SERPINB2: variants seen among roughly 807,000 people sequenced by gnomAD.
SERPINB2 encodes serpin family B member 2.
SERPINB2 carries 28 observed loss-of-function variants against 39.4 expected under a neutral mutation model. The ratio of observed to expected loss-of-function variants is 0.71; its 90% CI spans 0.53 to 0.97. The LOEUF (loss-of-function observed/expected upper bound fraction) is 0.97. SERPINB2 is among the 50% of genes least tolerant of loss of function. SERPINB2 has a pLI of 0.00. For synonymous variants in SERPINB2, 209 were observed against 175.1 expected (o/e 1.19, Z -1.53); for missense variants, 557 against 505.3 (o/e 1.10, Z -0.98).
chr18:63,893,447 A>G (rs2049939711), intron 2 of SERPINB2, among the ~76,000 whole-genome samples: 1 of 137,504 alleles, frequency 7.3e-6, no homozygotes, highest in African/African-American at 2.8e-5. Flanking sequence ...TTTTTTTTTG[A>G]GACTCTATAT....
intron 1 of SERPINB2, among the ~76,000 whole-genome samples, chr18:63,888,127 A>G (rs534355688): frequency 8.7e-4 from 133 of 152,364 alleles, no homozygotes; most frequent in Non-Finnish European, 1.2e-3. Context: ...AACTAGATAC[A>G]TTAAAATATT....
intron 1 of SERPINB2, chr18:63,890,648 C>G (rs2049919826): frequency 6.6e-6 from 1 of 152,214 alleles, no homozygotes; most frequent in Non-Finnish European, 1.5e-5. Flanking sequence ...AAGGATTATC[C>G]CTGCAATCTT....
chr18:63,898,080 T>A (rs974902433), intron 5 of SERPINB2, among the ~76,000 whole-genome samples: 2 of 152,198 alleles, frequency 1.3e-5, no homozygotes, highest in Non-Finnish European at 2.9e-5. Context: ...TTTTGGATAT[T>A]GCTTGAGGAT....
chr18:63,897,266 G>T, intron 4 of SERPINB2, 47 bp downstream of exon 4: 1 of 1,589,728 alleles, frequency 6.3e-7, no homozygotes, highest in Non-Finnish European at 8.6e-7. Context: ...AACAAGTAAT[G>T]AAGTCACTTT....
At chr18:63,898,626 A>T (rs939149271) in intron 5 of SERPINB2, among the ~76,000 whole-genome samples, 7 of 152,166 alleles carry the variant, frequency 4.6e-5, no homozygotes, top group Non-Finnish European at 1.0e-4. Flanking sequence ...CCTATAGAGG[A>T]GGGATTCAGT....
At chr18:63,894,501 A>G (rs1488834826) in intron 2 of SERPINB2, among the ~76,000 whole-genome samples, 1 of 152,060 alleles carries the variant, frequency 6.6e-6, no homozygotes, top group Admixed American at 6.5e-5. Context: ...TGCAGGACCA[A>G]GGGTTCCCAA....
rs1366823974 is a variant in SERPINB2, at chr18:63,903,273, A to T, written c.1216A>T (p.Ile406Phe). 1.3e-6 allele frequency: 2 copies of T among 1,540,060 alleles called. No individual in the cohort carries two copies. The highest frequency in any genetic ancestry group is 1.7e-6 in the Non-Finnish European group (2 of 1,145,316). ...TATTATGCATAAGATAACCAACTGCATTTTATTTTTCGGCAGATTTTCCTC... is the reference window on the plus strand; with the variant it reads ...TATTATGCATAAGATAACCAACTGCTTTTTATTTTTCGGCAGATTTTCCTC... ...FLIMHKITNC[I>F]LFFGRFSSP The change falls in exon 8 of 8, where the codon ATT becomes TTT. Residue 406 changes from isoleucine to phenylalanine, a missense_variant. Transcript: ENST00000299502.
intron 5 of SERPINB2, 125 bp from the exon 6 acceptor site, chr18:63,901,615 C>A: frequency 3.1e-6 from 2 of 641,832 alleles, no homozygotes; most frequent in Non-Finnish European, 2.4e-6. Flanking sequence ...ACCTAAAAAA[C>A]TTTAGCTTGA....
At chr18:63,897,877 T>G (rs746586973) in intron 5 of SERPINB2, 33 bp downstream of exon 5, 1 of 1,395,036 alleles carries the variant, frequency 7.2e-7, no homozygotes, top group Non-Finnish European at 1.0e-6. Flanking sequence ...TTTACTTCTT[T>G]CCAGTTAGAA....
rs558904559 is a variant in SERPINB2, at chr18:63,895,455, T to G, written c.288+72T>G. ...ATCTTCCTGTCTTAAAGCCACAGTGTCAGACTGGGAAGGAAGCGAATATAC... is the reference window on the plus strand; with the variant it reads ...ATCTTCCTGTCTTAAAGCCACAGTGGCAGACTGGGAAGGAAGCGAATATAC... On this transcript the variant is annotated intron_variant, in intron 3 of 7. Coordinates refer to ENST00000299502, the MANE Select transcript of SERPINB2 (RefSeq NM_002575.3). 1.5e-4 allele frequency: 237 copies of G among 1,595,960 alleles called. 2 individuals are homozygous for G. The South Asian group carries it at 2.6e-3, about 17-fold the overall frequency.
chr18:63,900,035 A>G (rs2049982304), intron 5 of SERPINB2, among the ~76,000 whole-genome samples: 1 of 152,204 alleles, frequency 6.6e-6, no homozygotes. Context: ...GGAGAGCAAA[A>G]TTAAAGAGAC....
intron 2 of SERPINB2, among the ~76,000 whole-genome samples, chr18:63,891,931 T>A (rs150963304): frequency 1.1e-3 from 170 of 152,294 alleles, no homozygotes; most frequent in African/African-American, 3.8e-3. Context: ...TTGTACCCAT[T>A]ATCTCATTCA....
At position 63,897,215 on chromosome 18, in the gene SERPINB2, G is replaced by A. The variant is rs760053054; in HGVS notation, c.413G>A (p.Arg138Gln). 8.9e-5 allele frequency: 143 copies of A among 1,606,990 alleles called. No homozygotes were observed. Among genetic ancestry groups the A allele is most frequent in the Admixed American group, 1.7e-4 (10 of 58,352 alleles). ...TTTGGTGAGAAGTCTGCGAGCTTCC[G>A]GGAAGTAAGTGAAACCTGTAATTGA... ...KLFGEKSASF[R>Q]EEYIRLCQKY... is the part of the protein sequence containing the mutation. Residue 138 changes from arginine (R) to glutamine (Q), a missense_variant, in exon 4 of 8, where the codon CGG becomes CAG. Physicochemically the swap from Arg to Gln is conservative, Grantham distance 43 (BLOSUM62 1). Transcript: ENST00000299502.
At chr18:63,898,759 A>G (rs890637146) in intron 5 of SERPINB2, among the ~76,000 whole-genome samples, 1 of 152,190 alleles carries the variant, frequency 6.6e-6, no homozygotes, top group Admixed American at 6.5e-5. Context: ...AATTGGGAAG[A>G]CAGGCTGGAG....
At position 63,902,670 on chromosome 18, in the gene SERPINB2, A is replaced by G; in HGVS notation, c.843+102A>G. 4 of 1,244,982 alleles carry G rather than the reference A, an allele frequency of 3.2e-6. No homozygotes were observed. The South Asian group carries it at 4.4e-5, about 14-fold the overall frequency. 77.1% of individuals were successfully genotyped at this position (1,244,982 alleles called of 1,614,324 possible). A position where few individuals can be genotyped will look rare whatever the true frequency, so the allele number is the denominator to read the frequency against. ...AATGGTGTGGTAATTTCTCATGGAA[A>G]TATATGAAACAGTTGATAGTAAATA... On this transcript the variant is annotated intron_variant, in intron 7 of 7. Transcript: ENST00000299502.
chr18:63,888,917 G>A (rs1465532074), intron 1 of SERPINB2, among the ~76,000 whole-genome samples: 1 of 152,132 alleles, frequency 6.6e-6, no homozygotes, highest in Non-Finnish European at 1.5e-5. Flanking sequence ...CTTCAATTTT[G>A]CCTTGTTTTG....
chr18:63,902,698 G>T, intron 7 of SERPINB2, 130 bp downstream of exon 7: 1 of 1,070,448 alleles, frequency 9.3e-7, no homozygotes. Flanking sequence ...AGTAAATATG[G>T]CATGCCTCTA....
intron 1 of SERPINB2, among the ~76,000 whole-genome samples, chr18:63,888,170 T>C (rs1188254601): frequency 1.3e-5 from 2 of 152,188 alleles, no homozygotes; most frequent in Admixed American, 1.3e-4. Context: ...ATCTCTACAT[T>C]GTATATAAAT....
intron 1 of SERPINB2, 136 bp downstream of exon 1, chr18:63,887,906 T>C (rs2049903152): frequency 6.6e-6 from 1 of 152,244 alleles, no homozygotes; most frequent in Admixed American, 6.5e-5. Flanking sequence ...AGTGGTGTTT[T>C]CTTGTTTAGT....
Sources: allele counts gnomAD v4.1 joint callset (sites outside exome capture counted in the v4.1 genomes callset), GRCh38; gene constraint gnomAD v4.1.1; transcripts MANE v1.5; gene names NCBI Gene and HGNC (gene_info 2026-07-23, HGNC 2026-07-21).